FAM184B: variants seen among roughly 807,000 people sequenced by gnomAD.
The protein encoded by FAM184B is protein FAM184B.
FAM184B carries 111 observed loss-of-function variants against 135.9 expected under a neutral mutation model. That is an observed-to-expected ratio of 0.82 (90% CI 0.70 to 0.96). The LOEUF is 0.96. Ranked by LOEUF, FAM184B falls within the 40% of genes least tolerant of loss-of-function variation. The probability of loss-of-function intolerance (pLI) is 0.00; values close to 1 mark genes in which losing one functional copy is unlikely to be tolerated. For synonymous variants in FAM184B, 552 were observed against 524.8 expected, an observed-to-expected ratio of 1.05 and a Z score of -0.71; for missense variants, 1,375 against 1,323.9, an observed-to-expected ratio of 1.04 and a Z score of -0.60.
intron 5 of FAM184B, among the ~76,000 whole-genome samples, chr4:17,702,839 G>A (rs914644457): frequency 6.6e-6 from 1 of 152,194 alleles, no homozygotes; most frequent in Non-Finnish European, 1.5e-5. Flanking sequence ...GGTCCCTCCT[G>A]CTGCTTGTGG....
Position 17,632,557 on chromosome 4 carries a change from C to CAGAATGGTT in FAM184B, c.3157_3158insAACCATTCT (p.Glu1052_Trp1053insTer). On this transcript the variant is annotated stop_gained, in exon 18 of 18. Coordinates refer to ENST00000265018, the MANE Select transcript of FAM184B (RefSeq NM_015688.2). LOFTEE classifies it high-confidence loss of function. ...TTAGAAAGAAAAGTACTTGGTGAAC[C>CAGAATGGTT]ATTCCTGGTGCGGAGAGCCCTGTTT... The CAGAATGGTT allele has an allele frequency of 6.4e-7, 1 of 1,551,324 alleles. No individual in the cohort carries two copies. The highest frequency in any genetic ancestry group is 8.7e-7 in the Non-Finnish European group (1 of 1,146,756).
intron 7 of FAM184B, among the ~76,000 whole-genome samples, chr4:17,666,271 G>A (rs866211748): frequency 1.3e-5 from 2 of 151,304 alleles, no homozygotes; most frequent in Middle Eastern, 3.4e-3. Context: ...GGTACCTAAG[G>A]AACACTCAAC....
At chr4:17,736,702 C>G (rs977716855) in intron 1 of FAM184B, among the ~76,000 whole-genome samples, 2 of 152,158 alleles carry the variant, frequency 1.3e-5, no homozygotes, top group Non-Finnish European at 2.9e-5. Context: ...TGGGGATGAA[C>G]TAGAGGGTGC....
At chr4:17,715,731 A>G (rs1257322966) in intron 1 of FAM184B, among the ~76,000 whole-genome samples, 1 of 152,220 alleles carries the variant, frequency 6.6e-6, no homozygotes, top group African/African-American at 2.4e-5. Flanking sequence ...GCATACATCA[A>G]AACATCATGC....
chr4:17,648,722 T>C (rs1715532077), intron 11 of FAM184B, among the ~76,000 whole-genome samples: 1 of 152,040 alleles, frequency 6.6e-6, no homozygotes, highest in African/African-American at 2.4e-5. Context: ...GGCTGGATCA[T>C]GGAGGTAGGA....
At chr4:17,728,430 T>C (rs1717693310) in intron 1 of FAM184B, among the ~76,000 whole-genome samples, 3 of 152,102 alleles carry the variant, frequency 2.0e-5, no homozygotes, top group South Asian at 4.1e-4. Flanking sequence ...TCAGAACATA[T>C]TTTGGATAGT....
intron 7 of FAM184B, among the ~76,000 whole-genome samples, chr4:17,685,580 G>T (rs1022035824): frequency 2.9e-4 from 31 of 107,460 alleles, no homozygotes; most frequent in Admixed American, 2.8e-4. Context: ...AAAAAAAAAA[G>T]ACTGAGGAGT....
intron 7 of FAM184B, among the ~76,000 whole-genome samples, chr4:17,669,613 C>T (rs879847571): frequency 4.6e-5 from 7 of 152,198 alleles, no homozygotes; most frequent in Admixed American, 3.9e-4. Flanking sequence ...CTAAGTTCTA[C>T]ATGGAGAGCT....
chr4:17,696,933 C>T (rs1341573527), intron 5 of FAM184B, among the ~76,000 whole-genome samples: 1 of 152,020 alleles, frequency 6.6e-6, no homozygotes, highest in Non-Finnish European at 1.5e-5. Flanking sequence ...AGGAGTGTGC[C>T]TCTGTAGGGT....
At chr4:17,738,844 G>C (rs1717963976) in intron 1 of FAM184B, among the ~76,000 whole-genome samples, 2 of 152,038 alleles carry the variant, frequency 1.3e-5, no homozygotes, top group Non-Finnish European at 2.9e-5. Flanking sequence ...TATAGTTTCT[G>C]TGATGGGTCC....
chr4:17,710,323 C>CATAAAA (rs1717234999), intron 1 of FAM184B, among the ~76,000 whole-genome samples: 1 of 119,694 alleles, frequency 8.4e-6, no homozygotes, highest in Non-Finnish European at 1.8e-5. Context: ...GAAACTCCAT[C>CATAAAA]ACAAAAACAA....
intron 13 of FAM184B, among the ~76,000 whole-genome samples, chr4:17,641,787 C>T (rs1449645369): frequency 5.3e-5 from 8 of 151,526 alleles, no homozygotes; most frequent in South Asian, 4.2e-4. Context: ...CGTGAGCCAC[C>T]GCGCCCAGCC....
intron 14 of FAM184B, among the ~76,000 whole-genome samples, chr4:17,638,828 C>T (rs934214934): frequency 6.6e-6 from 1 of 152,062 alleles, no homozygotes; most frequent in African/African-American, 2.4e-5. Context: ...GAGCCCCTGG[C>T]TAGTTCCCCC....
Position 17,657,755 on chromosome 4 carries a change from C to G in FAM184B, c.2037+595G>C, listed in dbSNP as rs375056630. ...CACTGCAACCTCCACCTTCCAGGTT[C>G]AAGCAATTTTCCTGCCTCAGCCTCC... On this transcript the variant is annotated intron_variant, in intron 10 of 17. Coordinates refer to ENST00000265018, the MANE Select transcript of FAM184B (RefSeq NM_015688.2). Among the ~76,000 whole-genome samples the G allele has an allele frequency of 2.1e-4, 31 of 146,932 alleles. No individual in the cohort carries two copies. In the South Asian group the frequency reaches 6.7e-3, roughly 32 times the overall value.
Position 17,636,422 on chromosome 4 carries a change from A to G in FAM184B, c.2784+106T>C, listed in dbSNP as rs1055712484. ...ACGGCAAGAAAGGATTCTTTGTAAG[A>G]TATTAGGGCACCTAGAGAAATGCTG... On this transcript the variant is annotated intron_variant, in intron 15 of 17. Transcript: ENST00000265018. The G allele has an allele frequency of 2.6e-5, 22 of 861,010 alleles. 1 individual carries two copies. Among genetic ancestry groups the G allele is most frequent in the South Asian group, 1.3e-4 (9 of 69,094 alleles). 53.3% of individuals were successfully genotyped at this position (861,010 alleles called of 1,614,324 possible). A position where few individuals can be genotyped will look rare whatever the true frequency, so the allele number is the denominator to read the frequency against.
intron 1 of FAM184B, among the ~76,000 whole-genome samples, chr4:17,765,079 AAG>A (rs1372592827): frequency 6.6e-6 from 1 of 152,146 alleles, no homozygotes; most frequent in Non-Finnish European, 1.5e-5. Context: ...GAAAAAAAGA[AAG>A]TAATTCTGCC....
In FAM184B at chr4:17,688,491, C is replaced by A. The variant is rs777630378; in HGVS notation, c.1529G>T (p.Arg510Leu). The change falls in exon 7 of 18, where the codon CGC (arginine) becomes CTC (leucine). Residue 510 changes from arginine (R) to leucine (L), a missense_variant. Physicochemically the swap from Arg to Leu is moderately radical, Grantham distance 102. Coordinates refer to ENST00000265018, the MANE Select transcript of FAM184B (RefSeq NM_015688.2). ...GGGACTTTCCTCAGCTCCTGTGGGG[C>A]GTGTCTTATTTTGTTGGATAAATTC... ...LEEFIQQNKT[R>L]PTGAEESPQE... 1 of 1,550,780 alleles carries A rather than the reference C, an allele frequency of 6.4e-7. No homozygotes were observed. The highest frequency in any genetic ancestry group is 8.7e-7 in the Non-Finnish European group (1 of 1,146,808).
rs1293238344 is a variant in FAM184B at position 17,647,749 on chromosome 4, G to C, written c.2234C>G (p.Ser745Cys). 55 of 1,550,716 alleles carry C rather than the reference G, an allele frequency of 3.5e-5. No individual in the cohort carries two copies. The highest frequency in any genetic ancestry group is 4.6e-5 in the Non-Finnish European group (53 of 1,146,984). ...TGCCTCCAAGTCCTTCTGGTGCCCA[G>C]AACAGGCAGCTTGCTGCTCCGACAG... ...QELSEQQAAC[S>C]GHQKDLEALQ... Residue 745 changes from serine (S) to cysteine (C), a missense_variant, in exon 12 of 18, where the codon TCT becomes TGT. Physicochemically the swap from Ser to Cys is moderately radical, Grantham distance 112. Coordinates refer to ENST00000265018, the MANE Select transcript of FAM184B (RefSeq NM_015688.2).
At chr4:17,684,746 C>T (rs1039017301) in intron 7 of FAM184B, among the ~76,000 whole-genome samples, 15 of 152,152 alleles carry the variant, frequency 9.9e-5, no homozygotes, top group East Asian at 7.7e-4. Context: ...CTCTAGAAAC[C>T]GAACTCATTC....
Sources: gnomAD v4.1 joint callset for allele counts (sites outside exome capture counted in the v4.1 genomes callset) on GRCh38, gnomAD v4.1.1 for gene constraint, MANE v1.5 for transcripts, NCBI Gene and HGNC (gene_info 2026-07-23, HGNC 2026-07-21) for gene names.